Variants in CTNNA3 observed in about 807,000 individuals in gnomAD.
The protein encoded by CTNNA3 is catenin alpha-3.
Under a neutral mutation model 95.7 loss-of-function variants are expected in CTNNA3, and 76 were observed. The ratio of observed to expected loss-of-function variants is 0.79; its 90% CI spans 0.66 to 0.96. The LOEUF is 0.96. CTNNA3 is among the 40% of genes least tolerant of loss of function. CTNNA3 has a pLI of 0.00. For missense variants in CTNNA3, 1,191 were observed against 1,089.8 expected, an observed-to-expected ratio of 1.09 and a Z score of -1.31; for synonymous variants, 431 against 374.4, an observed-to-expected ratio of 1.15 and a Z score of -1.74.
chr10:67,256,440 T>C (rs1414442343), intron 5 of CTNNA3, among the ~76,000 whole-genome samples: 2 of 152,172 alleles, frequency 1.3e-5, no homozygotes, highest in Non-Finnish European at 2.9e-5. Context: ...ATTTTCATTA[T>C]TAAAAGAACA....
intron 9 of CTNNA3, among the ~76,000 whole-genome samples, chr10:66,733,167 G>GA (rs921826736): frequency 9.9e-5 from 15 of 150,956 alleles, no homozygotes; most frequent in South Asian, 4.2e-4. Flanking sequence ...AGAAAATTTA[G>GA]AAAAAAAAGA....
At chr10:67,085,024 G>A (rs1402368773) in intron 7 of CTNNA3, among the ~76,000 whole-genome samples, 5 of 151,886 alleles carry the variant, frequency 3.3e-5, no homozygotes, top group African/African-American at 1.2e-4. Context: ...TGATACTGAA[G>A]ATCTTAACCT....
chr10:67,335,204 A>G (rs1218976933), intron 5 of CTNNA3, among the ~76,000 whole-genome samples: 1 of 152,152 alleles, frequency 6.6e-6, no homozygotes, highest in Non-Finnish European at 1.5e-5. Flanking sequence ...TGTATCTACA[A>G]TGTCCAAGTT....
At chr10:67,640,384 G>A (rs1033744786) in intron 2 of CTNNA3, among the ~76,000 whole-genome samples, 1 of 152,156 alleles carries the variant, frequency 6.6e-6, no homozygotes, top group Non-Finnish European at 1.5e-5. Flanking sequence ...AACATTCCAT[G>A]CTCATGGATA....
chr10:66,984,924 C>T (rs1850642366), intron 7 of CTNNA3, among the ~76,000 whole-genome samples: 1 of 151,934 alleles, frequency 6.6e-6, no homozygotes, highest in South Asian at 2.1e-4. Context: ...ACAATAAGAA[C>T]ATTAATTCAA....
At chr10:67,728,383 G>T (rs1311602148) in intron 1 of CTNNA3, among the ~76,000 whole-genome samples, 1 of 149,066 alleles carries the variant, frequency 6.7e-6, no homozygotes, top group Non-Finnish European at 1.5e-5. Context: ...AACCTGGGAG[G>T]TGGAGGTTAT....
At chr10:66,244,106 C>T (rs1202992636) in intron 13 of CTNNA3, among the ~76,000 whole-genome samples, 1 of 152,124 alleles carries the variant, frequency 6.6e-6, no homozygotes, top group African/African-American at 2.4e-5. Flanking sequence ...TTGGCAGTGG[C>T]CTGGCAGAAC....
At chr10:67,170,318 C>T (rs1286564503) in intron 7 of CTNNA3, among the ~76,000 whole-genome samples, 4 of 152,138 alleles carry the variant, frequency 2.6e-5, no homozygotes, top group African/African-American at 9.7e-5. Flanking sequence ...GACACATGTA[C>T]ACGAATGTTC....
chr10:67,542,953 TTTTGAAATATCA>T (rs1363766601), intron 3 of CTNNA3, among the ~76,000 whole-genome samples: 1 of 152,144 alleles, frequency 6.6e-6, no homozygotes, highest in African/African-American at 2.4e-5. Context: ...GAGTCTACTC[TTTTGAAATATCA>T]TTCCCAATCT....
At chr10:66,081,057 A>G (rs1041597780) in intron 14 of CTNNA3, among the ~76,000 whole-genome samples, 1 of 152,202 alleles carries the variant, frequency 6.6e-6, no homozygotes, top group African/African-American at 2.4e-5. Context: ...AGGGGCCTGT[A>G]CTCAGAAGGA....
intron 7 of CTNNA3, among the ~76,000 whole-genome samples, chr10:67,175,948 AT>A (rs1476065604): frequency 2.0e-5 from 3 of 152,182 alleles, no homozygotes; most frequent in African/African-American, 2.4e-5. Context: ...TTATAAAAAA[AT>A]TCCTTAATTA....
intron 12 of CTNNA3, among the ~76,000 whole-genome samples, chr10:66,369,782 T>C (rs1424862497): frequency 6.6e-6 from 1 of 152,160 alleles, no homozygotes; most frequent in Non-Finnish European, 1.5e-5. Flanking sequence ...TCTGATAGCA[T>C]AAATGCAATA....
chr10:66,330,451 A>C (rs536294518), intron 12 of CTNNA3, among the ~76,000 whole-genome samples: 1 of 133,926 alleles, frequency 7.5e-6, no homozygotes, highest in African/African-American at 4.1e-5. Flanking sequence ...TGCCACATTT[A>C]TCTTAATCCA....
chr10:67,460,695 G>T (rs571998142), intron 5 of CTNNA3, among the ~76,000 whole-genome samples: 2 of 151,478 alleles, frequency 1.3e-5, no homozygotes, highest in Admixed American at 6.6e-5. Context: ...CATTATTTTT[G>T]ATTACAGGGA....
At chr10:67,281,700 A>C (rs1220734698) in intron 5 of CTNNA3, among the ~76,000 whole-genome samples, 3 of 152,156 alleles carry the variant, frequency 2.0e-5, no homozygotes, top group African/African-American at 4.8e-5. Context: ...AGCATGAAAA[A>C]ATGTCTAATG....
At chr10:66,352,023 T>C (rs1236936870) in intron 12 of CTNNA3, among the ~76,000 whole-genome samples, 3 of 152,060 alleles carry the variant, frequency 2.0e-5, no homozygotes, top group Non-Finnish European at 4.4e-5. Flanking sequence ...AAGTAAGTAC[T>C]ATATGCCAGA....
chr10:67,008,092 T>C (rs1173646437), intron 7 of CTNNA3, among the ~76,000 whole-genome samples: 1 of 152,016 alleles, frequency 6.6e-6, no homozygotes, highest in Non-Finnish European at 1.5e-5. Flanking sequence ...TTTTTTTTAA[T>C]GCCCATCTTT....
chr10:67,702,019 G>A (rs1023859884), intron 1 of CTNNA3, among the ~76,000 whole-genome samples: 16 of 152,088 alleles, frequency 1.1e-4, no homozygotes, highest in Non-Finnish European at 2.1e-4. Context: ...AAGATCAAAA[G>A]AGACAAAGAA....
intron 9 of CTNNA3, among the ~76,000 whole-genome samples, chr10:66,739,766 C>CA (rs1849265503): frequency 6.6e-6 from 1 of 152,054 alleles, no homozygotes. Flanking sequence ...TTTCCTAATA[C>CA]AAAAATTGAG....
Sources: allele counts gnomAD v4.1 joint callset (sites outside exome capture counted in the v4.1 genomes callset), GRCh38; gene constraint gnomAD v4.1.1; transcripts MANE v1.5; gene names NCBI Gene and HGNC (gene_info 2026-07-23, HGNC 2026-07-21).